Variants in NTRK3 observed in about 807,000 individuals in gnomAD.
NTRK3 encodes the protein neurotrophic receptor tyrosine kinase 3.
NTRK3 carries 24 observed loss-of-function variants against 91.7 expected under a neutral mutation model. The observed-to-expected ratio is 0.26, with a 90% CI of 0.19 to 0.37. The LOEUF is 0.37. NTRK3 is among the 10% of genes least tolerant of loss of function. The pLI is 1.00. For missense variants in NTRK3, 880 were observed against 1,068.9 expected (o/e 0.82, Z 2.46); for synonymous variants, 483 against 404.0 (o/e 1.20, Z -2.34).
intron 3 of NTRK3, among the ~76,000 whole-genome samples, chr15:88,197,565 C>G (rs1377926232): frequency 6.6e-6 from 1 of 152,116 alleles, no homozygotes. Context: ...AGCTACAGAC[C>G]CTTTGAGGAC....
intron 14 of NTRK3, among the ~76,000 whole-genome samples, chr15:88,014,122 G>A (rs2077069418): frequency 1.3e-5 from 2 of 152,182 alleles, no homozygotes; most frequent in African/African-American, 2.4e-5. Context: ...ACTTGATAAG[G>A]ATGCCTTCTG....
intron 6 of NTRK3, among the ~76,000 whole-genome samples, chr15:88,144,500 G>A (rs1377293300): frequency 3.3e-5 from 5 of 152,146 alleles, no homozygotes; most frequent in Non-Finnish European, 5.9e-5. Context: ...ATCTTGAGAG[G>A]GGCTTCTGGA....
intron 14 of NTRK3, among the ~76,000 whole-genome samples, chr15:87,969,835 C>T (rs1309767618): frequency 1.3e-5 from 2 of 152,166 alleles, no homozygotes; most frequent in Admixed American, 6.5e-5. Context: ...TCCCGCTTGG[C>T]CTTGTCCAGC....
chr15:88,147,464 G>A (rs781613276), intron 5 of NTRK3, 61 bp from the exon 6 acceptor site: 1 of 1,377,144 alleles, frequency 7.3e-7, no homozygotes, highest in Non-Finnish European at 1.0e-6. Context: ...AATGCTCTAG[G>A]TAGTAAGCTT....
chr15:88,185,173 G>C (rs2046846474), intron 3 of NTRK3, among the ~76,000 whole-genome samples: 1 of 152,164 alleles, frequency 6.6e-6, no homozygotes, highest in Non-Finnish European at 1.5e-5. Flanking sequence ...TTTATATCTA[G>C]CAAGCACACT....
At chr15:88,022,976 G>T (rs2077710916) in intron 14 of NTRK3, among the ~76,000 whole-genome samples, 1 of 152,174 alleles carries the variant, frequency 6.6e-6, no homozygotes, top group Admixed American at 6.5e-5. Context: ...CTGTCACTTT[G>T]AACTAGTTGG....
chr15:88,071,811 G>A (rs2047110235), intron 13 of NTRK3, among the ~76,000 whole-genome samples: 1 of 152,104 alleles, frequency 6.6e-6, no homozygotes, highest in Non-Finnish European at 1.5e-5. Context: ...GAATTAGCAG[G>A]CAGAGAATTT....
In NTRK3 at chr15:88,008,622, T is replaced by C. The variant is rs534155689; in HGVS notation, c.1585+24235A>G. Among the ~76,000 whole-genome samples, 4 of 152,220 alleles carry C rather than the reference T, an allele frequency of 2.6e-5. No individual in the cohort carries two copies. In the South Asian group the frequency reaches 8.3e-4, roughly 32 times the overall value. ...AAGTGCTTCACATTTTAAATTCTACTAAGTTCCCAGTTCTGAGTCCCAGTC... is the reference window on the plus strand; with the variant it reads ...AAGTGCTTCACATTTTAAATTCTACCAAGTTCCCAGTTCTGAGTCCCAGTC... On this transcript the variant is annotated intron_variant, in intron 14 of 18. Transcript: ENST00000394480.
chr15:88,049,824 G>A (rs1348570418), intron 13 of NTRK3, among the ~76,000 whole-genome samples: 1 of 152,224 alleles, frequency 6.6e-6, no homozygotes, highest in Admixed American at 6.5e-5. Flanking sequence ...AGTGTTAGAA[G>A]TTTCTGCTAA....
At chr15:88,181,466 G>A (rs1476633810) in intron 5 of NTRK3, among the ~76,000 whole-genome samples, 1 of 152,080 alleles carries the variant, frequency 6.6e-6, no homozygotes, top group East Asian at 1.9e-4. Context: ...TCCCACTCCT[G>A]AGCCTGGGTC....
Position 87,929,177 on chromosome 15 carries a change from G to T in NTRK3, c.2133+14C>A. 1 of 1,614,162 alleles carries T rather than the reference G, an allele frequency of 6.2e-7. No homozygotes were observed. The highest frequency in any genetic ancestry group is 2.2e-5 in the East Asian group (1 of 44,872). On this transcript the variant is annotated intron_variant, in intron 17 of 18. Coordinates refer to ENST00000394480, the Ensembl canonical transcript of NTRK3. ...CTCTGTGGCTGAGTCCTGCAGCTGG[G>T]AAAGTCACTTTACCCTGTAATAATC... is the stretch of plus-strand genomic sequence containing the variant.
intron 17 of NTRK3, among the ~76,000 whole-genome samples, chr15:87,891,845 G>C (rs993669634): frequency 6.6e-6 from 1 of 152,084 alleles, no homozygotes; most frequent in African/African-American, 2.4e-5. Flanking sequence ...AACAGCCACT[G>C]TCCCATGGGA....
chr15:88,122,409 A>G (rs1265929890), intron 13 of NTRK3, among the ~76,000 whole-genome samples: 2 of 152,188 alleles, frequency 1.3e-5, no homozygotes, highest in African/African-American at 4.8e-5. Context: ...ACAGAGATAC[A>G]GGGAAAGAAG....
intron 14 of NTRK3, among the ~76,000 whole-genome samples, chr15:88,013,627 C>T (rs756930612): frequency 4.6e-5 from 7 of 152,174 alleles, no homozygotes; most frequent in Non-Finnish European, 7.3e-5. Flanking sequence ...CTTTTCAATG[C>T]CAGTAGGAAC....
chr15:87,888,900 C>T (rs766315137), intron 17 of NTRK3, among the ~76,000 whole-genome samples: 3 of 152,098 alleles, frequency 2.0e-5, no homozygotes, highest in Non-Finnish European at 2.9e-5. Flanking sequence ...TCCTTTTATC[C>T]GCTGGGCTTT....
At chr15:87,892,514 T>A (rs956096107) in intron 17 of NTRK3, among the ~76,000 whole-genome samples, 4 of 152,194 alleles carry the variant, frequency 2.6e-5, no homozygotes, top group African/African-American at 9.7e-5. Flanking sequence ...TAATTGAAAA[T>A]ATGAGATGCA....
chr15:88,253,927 C>T (rs2053711802), intron 3 of NTRK3, among the ~76,000 whole-genome samples: 1 of 152,152 alleles, frequency 6.6e-6, no homozygotes, highest in Non-Finnish European at 1.5e-5. Flanking sequence ...AAACTGCTTC[C>T]CTGAGCATCA....
At chr15:88,061,093 A>G (rs2046172270) in intron 13 of NTRK3, among the ~76,000 whole-genome samples, 1 of 152,174 alleles carries the variant, frequency 6.6e-6, no homozygotes, top group Admixed American at 6.5e-5. Flanking sequence ...TACTTCAAAA[A>G]GAGACCCCCT....
chr15:87,966,415 A>G (rs1237085738), intron 14 of NTRK3, among the ~76,000 whole-genome samples: 1 of 152,172 alleles, frequency 6.6e-6, no homozygotes, highest in East Asian at 1.9e-4. Context: ...GTGGAGACAC[A>G]TGGTGCTAAG....
Sources: allele counts gnomAD v4.1 joint callset (sites outside exome capture counted in the v4.1 genomes callset), GRCh38; gene constraint gnomAD v4.1.1; transcripts MANE v1.5; gene names NCBI Gene and HGNC (gene_info 2026-07-23, HGNC 2026-07-21).